The following PIGU variants were observed in gnomAD, a reference collection of about 807,000 sequenced individuals.
The protein encoded by PIGU is GPI-anchor transamidase component PIGU.
PIGU carries 24 observed loss-of-function variants against 49.9 expected under a neutral mutation model. That is an observed-to-expected ratio of 0.48 (90% confidence interval 0.35 to 0.68). PIGU has a LOEUF of 0.68. Ranked by LOEUF, PIGU falls within the 30% of genes least tolerant of loss-of-function variation. The probability of loss-of-function intolerance (pLI) is 0.01; values close to 1 mark genes in which losing one functional copy is unlikely to be tolerated. For synonymous variants in PIGU, 220 were observed against 205.7 expected (o/e 1.07, Z -0.59); for missense variants, 490 against 532.6 (o/e 0.92, Z 0.79).
chr20:34,645,856 G>A (rs1234497108), intron 2 of PIGU, among the ~76,000 whole-genome samples: 5 of 151,956 alleles, frequency 3.3e-5, no homozygotes, highest in African/African-American at 7.3e-5. Context: ...GAGATCACGC[G>A]ACTGCACTCC....
At chr20:34,600,345 T>G (rs1173495863) in intron 7 of PIGU, among the ~76,000 whole-genome samples, 3 of 150,720 alleles carry the variant, frequency 2.0e-5, no homozygotes, top group African/African-American at 7.4e-5. Flanking sequence ...AGGCGGAGGT[T>G]GCAGTGAGCC....
chr20:34,585,501 A>G lies in PIGU; in HGVS notation c.862T>C (p.Phe288Leu), dbSNP rs1983663049. The G allele has an allele frequency of 6.2e-7, 1 of 1,613,364 alleles. No individual in the cohort carries two copies. The highest frequency in any genetic ancestry group is 1.3e-5 in the African/African-American group (1 of 74,936). Residue 288 changes from phenylalanine to leucine, a missense_variant, in exon 9 of 12, where the codon TTC (phenylalanine) becomes CTC (leucine). Coordinates refer to ENST00000217446, the MANE Select transcript of PIGU (RefSeq NM_080476.5). ...FAEMFEHFSLFFVCVFQINVF... is the reference protein window; with the variant it reads ...FAEMFEHFSLLFVCVFQINVF... Reference sequence around the variant, plus strand: ...TTGATCTGAAACACACATACAAAGAAGAGGCTGAAGTGCTCAAACATCTCT... The same window carrying G: ...TTGATCTGAAACACACATACAAAGAGGAGGCTGAAGTGCTCAAACATCTCT...
intron 7 of PIGU, among the ~76,000 whole-genome samples, chr20:34,593,279 T>C (rs763003627): frequency 1.8e-4 from 27 of 151,198 alleles, no homozygotes; most frequent in East Asian, 1.6e-3. Flanking sequence ...GAAGTGAAGG[T>C]TGCAGCCAAT....
intron 7 of PIGU, among the ~76,000 whole-genome samples, chr20:34,589,904 C>A (rs1055746121): frequency 6.6e-6 from 1 of 152,050 alleles, no homozygotes; most frequent in Non-Finnish European, 1.5e-5. Context: ...GATCTACCCG[C>A]CTTGGCCTCC....
At chr20:34,562,138 C>T (rs192171416) in intron 11 of PIGU, among the ~76,000 whole-genome samples, 250 of 152,326 alleles carry the variant, frequency 1.6e-3, no homozygotes, top group Non-Finnish European at 2.7e-3. Context: ...TTGCCAAGGG[C>T]CCTATACACC....
intron 11 of PIGU, among the ~76,000 whole-genome samples, chr20:34,573,548 C>T (rs527248729): frequency 2.0e-5 from 3 of 152,246 alleles, no homozygotes; most frequent in Non-Finnish European, 2.9e-5. Context: ...AGACTCATGA[C>T]AAGACAACAG....
At chr20:34,583,006 T>C (rs1444056340) in intron 9 of PIGU, among the ~76,000 whole-genome samples, 5 of 152,338 alleles carry the variant, frequency 3.3e-5, no homozygotes, top group Middle Eastern at 3.4e-3. Flanking sequence ...AGTACCTAGA[T>C]GCCTAGCCCA....
At chr20:34,608,068 T>C (rs1348048752) in intron 7 of PIGU, among the ~76,000 whole-genome samples, 2 of 143,554 alleles carry the variant, frequency 1.4e-5, no homozygotes, top group East Asian at 4.1e-4. Flanking sequence ...TATGGAGACA[T>C]GACTTTTTTT....
At chr20:34,583,740 A>C (rs1431167620) in intron 9 of PIGU, among the ~76,000 whole-genome samples, 2 of 152,248 alleles carry the variant, frequency 1.3e-5, no homozygotes, top group African/African-American at 2.4e-5. Flanking sequence ...CAGCTGGGCA[A>C]GGCTGCCAGA....
Position 34,560,733 on chromosome 20 carries a change from C to CAGAG in PIGU, c.*129_*132dup. 1.7e-6 allele frequency: 1 copy of CAGAG among 606,004 alleles called. No individual in the cohort carries two copies. 37.5% of individuals were successfully genotyped at this position (606,004 alleles called of 1,614,324 possible). A position where few individuals can be genotyped will look rare whatever the true frequency, so the allele number is the denominator to read the frequency against. On this transcript the variant is annotated 3_prime_UTR_variant, in exon 12 of 12. Transcript: ENST00000217446. Reference sequence around the variant, plus strand: ...GTCAGCCATGGGTCCCTTTTGGTACCAGAGACTTGTGACCCTGGACTCGAA... The same window carrying CAGAG: ...GTCAGCCATGGGTCCCTTTTGGTACCAGAGAGAGACTTGTGACCCTGGACTCGAA...
intron 7 of PIGU, among the ~76,000 whole-genome samples, chr20:34,607,635 G>T (rs1984666326): frequency 6.6e-6 from 1 of 152,180 alleles, no homozygotes; most frequent in Non-Finnish European, 1.5e-5. Flanking sequence ...CAAGAGGTTG[G>T]GATACAGAGG....
Position 34,677,026 on chromosome 20 carries a change from G to C in PIGU, c.60C>G (p.Phe20Leu). Reference protein sequence around the residue: ...VVAVTVRAALFRSSLAEFISE... With the variant: ...VVAVTVRAALLRSSLAEFISE... ...AAATGAACTCGGCCAGACTGGAGCG[G>C]AACAAGGCCGCCCGCACTGTCACAG... Residue 20 changes from phenylalanine to leucine, a missense_variant, in exon 1 of 12, where the codon TTC (phenylalanine) becomes TTG (leucine). Coordinates refer to ENST00000217446, the MANE Select transcript of PIGU (RefSeq NM_080476.5). 1 of 1,581,838 alleles carries C rather than the reference G, an allele frequency of 6.3e-7. No homozygotes were observed. Among genetic ancestry groups the C allele is most frequent in the Non-Finnish European group, 8.6e-7 (1 of 1,164,594 alleles).
intron 6 of PIGU, among the ~76,000 whole-genome samples, chr20:34,630,501 T>C (rs1985667081): frequency 6.6e-6 from 1 of 152,084 alleles, no homozygotes; most frequent in Non-Finnish European, 1.5e-5. Context: ...AAATAAAACC[T>C]GCAGATGATG....
At chr20:34,652,327 A>G (rs1986568779) in intron 2 of PIGU, among the ~76,000 whole-genome samples, 2 of 152,134 alleles carry the variant, frequency 1.3e-5, no homozygotes, top group Admixed American at 1.3e-4. Flanking sequence ...ATTTTGACCT[A>G]TGTATACATC....
intron 2 of PIGU, among the ~76,000 whole-genome samples, chr20:34,647,755 T>C (rs1272032884): frequency 6.6e-6 from 1 of 152,158 alleles, no homozygotes; most frequent in Non-Finnish European, 1.5e-5. Flanking sequence ...TTAAAATGTG[T>C]TGTGACTTGC....
intron 6 of PIGU, among the ~76,000 whole-genome samples, chr20:34,632,754 G>A (rs1985828304): frequency 6.6e-6 from 1 of 152,090 alleles, no homozygotes; most frequent in African/African-American, 2.4e-5. Context: ...TCCAGGAGAG[G>A]AGGGATACAG....
intron 11 of PIGU, among the ~76,000 whole-genome samples, chr20:34,566,117 C>T (rs1360876922): frequency 6.6e-6 from 1 of 152,160 alleles, no homozygotes; most frequent in East Asian, 1.9e-4. Context: ...CGCACGCTTG[C>T]CTGCTCAGAA....
intron 7 of PIGU, among the ~76,000 whole-genome samples, chr20:34,608,461 C>A (rs561502901): frequency 3.3e-5 from 5 of 152,198 alleles, no homozygotes; most frequent in Non-Finnish European, 7.4e-5. Flanking sequence ...GTGGTATGAG[C>A]CCCTTTCAGC....
At chr20:34,566,604 C>T (rs1456058399) in intron 11 of PIGU, among the ~76,000 whole-genome samples, 1 of 152,104 alleles carries the variant, frequency 6.6e-6, no homozygotes, top group East Asian at 1.9e-4. Flanking sequence ...GGTCCAGGCC[C>T]TTTAACAAAA....
Sources: gnomAD v4.1 joint callset for allele counts (sites outside exome capture counted in the v4.1 genomes callset) on GRCh38, gnomAD v4.1.1 for gene constraint, MANE v1.5 for transcripts, NCBI Gene and HGNC (gene_info 2026-07-23, HGNC 2026-07-21) for gene names.